Variants in CEMIP observed in about 807,000 individuals in gnomAD.
CEMIP encodes the protein cell migration-inducing and hyaluronan-binding protein.
A neutral mutation model predicts 156.9 loss-of-function variants in CEMIP; 105 were observed. That is an observed-to-expected ratio of 0.67 (90% CI 0.57 to 0.79). CEMIP has a LOEUF of 0.79. Ranked by LOEUF, CEMIP falls within the 30% of genes least tolerant of loss-of-function variation. The probability of loss-of-function intolerance (pLI) is 0.00; values close to 1 mark genes in which losing one functional copy is unlikely to be tolerated. For synonymous variants in CEMIP, 676 were observed against 668.4 expected (o/e 1.01, Z -0.17); for missense variants, 1,457 against 1,769.4 (o/e 0.82, Z 3.17).
rs541748510 is a variant in CEMIP at position 80,901,272 on chromosome 15, G to A, written c.1411+5212G>A. Among the ~76,000 whole-genome samples the A allele has an allele frequency of 2.0e-5, 3 of 152,140 alleles. No individual in the cohort carries two copies. The South Asian group carries it at 6.2e-4, about 32-fold the overall frequency. The stretch of plus-strand genomic sequence containing the variant: ...TTCACAACAACCTAATACAGTAGGG[G>A]CTACTGTTTTCTTCATGACACAAAT... On this transcript the variant is annotated intron_variant, in intron 12 of 29. Coordinates refer to ENST00000394685, the MANE Select transcript of CEMIP (RefSeq NM_001293298.2).
chr15:80,897,303 A>G, intron 12 of CEMIP: 1 of 456,044 alleles, frequency 2.2e-6, no homozygotes, highest in Non-Finnish European at 4.4e-6. Context: ...ATTCAACACA[A>G]TCTTTTTGGC....
chr15:80,780,120 TC>T lies in CEMIP; in HGVS notation c.-176+509del, dbSNP rs373577313. ...TGCTCCTGCCTCAGCACGCTCTTCC[TC>T]CCAGTTTCCCTCGCCTCCCAGTGCC... On this transcript the variant is annotated intron_variant, in intron 1 of 29. Coordinates refer to ENST00000394685, the MANE Select transcript of CEMIP (RefSeq NM_001293298.2). Among the ~76,000 whole-genome samples, 126 of 152,200 alleles carry T rather than the reference TC, an allele frequency of 8.3e-4. 1 individual carries two copies. Among genetic ancestry groups the T allele is most frequent in the African/African-American group, 2.9e-3 (122 of 41,530 alleles).
At chr15:80,839,285 C>CGTGTGTGTGT (rs1897333338) in intron 1 of CEMIP, among the ~76,000 whole-genome samples, 1 of 60,052 alleles carries the variant, frequency 1.7e-5, no homozygotes, top group Non-Finnish European at 2.9e-5. Flanking sequence ...GAGTCAAGGC[C>CGTGTGTGTGT]GTGAGTGTGT....
chr15:80,894,558 G>C (rs987145227), intron 10 of CEMIP, among the ~76,000 whole-genome samples: 1 of 152,174 alleles, frequency 6.6e-6, no homozygotes, highest in African/African-American at 2.4e-5. Flanking sequence ...TGGGGACTGG[G>C]CATGAGTATT....
intron 1 of CEMIP, among the ~76,000 whole-genome samples, chr15:80,840,720 T>C (rs1897390268): frequency 6.6e-6 from 1 of 152,170 alleles, no homozygotes; most frequent in Non-Finnish European, 1.5e-5. Context: ...CCAGTTGCCC[T>C]GGACACACCA....
chr15:80,886,283 T>C (rs564281488), intron 7 of CEMIP, among the ~76,000 whole-genome samples: 8 of 150,570 alleles, frequency 5.3e-5, no homozygotes, highest in South Asian at 4.2e-4. Flanking sequence ...TGGCAGTATA[T>C]GAGAGAGGCA....
intron 6 of CEMIP, among the ~76,000 whole-genome samples, chr15:80,882,940 C>T (rs1898714370): frequency 6.6e-6 from 1 of 152,024 alleles, no homozygotes; most frequent in South Asian, 2.1e-4. Context: ...GAGGTGGTCA[C>T]TGGGCACTGA....
chr15:80,864,626 G>C (rs1898075573), intron 1 of CEMIP, among the ~76,000 whole-genome samples: 1 of 152,256 alleles, frequency 6.6e-6, no homozygotes. Flanking sequence ...CAGAGGCTTA[G>C]ATTGTTGAGT....
At chr15:80,883,241 A>G (rs1898724020) in intron 6 of CEMIP, among the ~76,000 whole-genome samples, 1 of 152,218 alleles carries the variant, frequency 6.6e-6, no homozygotes, top group African/African-American at 2.4e-5. Context: ...AGTTGGAATC[A>G]TTACAAAATT....
In CEMIP at chr15:80,779,387, A is replaced by G. The variant is rs903090975; in HGVS notation, c.-403A>G. On this transcript the variant is annotated 5_prime_UTR_variant, in exon 1 of 30. Coordinates refer to ENST00000394685, the MANE Select transcript of CEMIP (RefSeq NM_001293298.2). The stretch of plus-strand genomic sequence containing the variant: ...AGGGCCGGGGAGCTAGCGCTCAAGC[A>G]GAGCCCAGCGCGGTGCTATCGGACA... The G allele has an allele frequency of 7.9e-5, 12 of 152,348 alleles. No individual in the cohort carries two copies. The highest frequency in any genetic ancestry group is 2.9e-4 in the African/African-American group (12 of 41,470). The allele number at this position is 152,348 out of a possible 1,614,324, so 9.4% of individuals were successfully genotyped here. A position where few individuals can be genotyped will look rare whatever the true frequency, so the allele number is the denominator to read the frequency against.
chr15:80,901,766 C>T (rs1005428589), intron 12 of CEMIP, among the ~76,000 whole-genome samples: 16 of 152,174 alleles, frequency 1.1e-4, no homozygotes, highest in African/African-American at 3.4e-4. Flanking sequence ...CAGTAGCCAC[C>T]GGTGACTAGT....
In CEMIP at chr15:80,896,120, G is replaced by A. The variant is rs114610043; in HGVS notation, c.1411+60G>A. 38 of 1,510,288 alleles carry A rather than the reference G, an allele frequency of 2.5e-5. No individual in the cohort carries two copies. In the African/African-American group the frequency reaches 4.1e-4, roughly 16 times the overall value. 93.6% of individuals were successfully genotyped at this position (1,510,288 alleles called of 1,614,324 possible). A position where few individuals can be genotyped will look rare whatever the true frequency, so the allele number is the denominator to read the frequency against. On this transcript the variant is annotated intron_variant, in intron 12 of 29. Transcript: ENST00000394685. The stretch of plus-strand genomic sequence containing the variant: ...GAATCTGAAAATTGTTAGGCTTAAA[G>A]TAAACTGAAGTTACAACAAATCTGT...
At chr15:80,882,008 G>C (rs1898677321) in intron 6 of CEMIP, among the ~76,000 whole-genome samples, 1 of 152,138 alleles carries the variant, frequency 6.6e-6, no homozygotes, top group African/African-American at 2.4e-5. Context: ...CCCTTTAGAG[G>C]GAAGGACAGA....
intron 15 of CEMIP, among the ~76,000 whole-genome samples, 190 bp from the exon 16 acceptor site, chr15:80,920,842 T>C (rs1049466274): frequency 2.0e-5 from 3 of 152,364 alleles, no homozygotes; most frequent in Middle Eastern, 3.4e-3. Context: ...TCTGAATATT[T>C]TAAGTGCTTA....
Position 80,923,203 on chromosome 15 carries a change from A to G in CEMIP, c.2202+1066A>G, listed in dbSNP as rs148726841. On this transcript the variant is annotated intron_variant, in intron 17 of 29. Coordinates refer to ENST00000394685, the MANE Select transcript of CEMIP (RefSeq NM_001293298.2). Reference sequence around the variant, plus strand: ...AGTGTCATTTCCCAGCAACTAGAAAAGAGGGTAGTGTCATGGGGCAGTGAG... The same window carrying G: ...AGTGTCATTTCCCAGCAACTAGAAAGGAGGGTAGTGTCATGGGGCAGTGAG... Among the ~76,000 whole-genome samples, 127 of 152,146 alleles carry G rather than the reference A, an allele frequency of 8.3e-4. 3 individuals are homozygous for G. The East Asian group carries it at 0.024, about 29-fold the overall frequency.
At chr15:80,905,811 A>C (rs1379963506) in intron 12 of CEMIP, among the ~76,000 whole-genome samples, 1 of 152,138 alleles carries the variant, frequency 6.6e-6, no homozygotes, top group Non-Finnish European at 1.5e-5. Flanking sequence ...GAAAGGGGTA[A>C]GACTGGGGGT....
chr15:80,922,358 G>C (rs1270984093), intron 17 of CEMIP, among the ~76,000 whole-genome samples: 2 of 152,244 alleles, frequency 1.3e-5, no homozygotes, highest in African/African-American at 4.8e-5. Context: ...GGCATGGACT[G>C]AGAATATGGC....
chr15:80,800,958 C>T (rs1460989315), intron 1 of CEMIP, among the ~76,000 whole-genome samples: 1 of 152,212 alleles, frequency 6.6e-6, no homozygotes, highest in African/African-American at 2.4e-5. Context: ...GCTTCTTGTC[C>T]AGCTGCTTCT....
chr15:80,908,001 CTT>C (rs1406460517), intron 13 of CEMIP, among the ~76,000 whole-genome samples: 1 of 152,188 alleles, frequency 6.6e-6, no homozygotes, highest in Admixed American at 6.5e-5. Flanking sequence ...TGAGATGACT[CTT>C]TGTCACATAG....
Sources: allele counts gnomAD v4.1 joint callset (sites outside exome capture counted in the v4.1 genomes callset), GRCh38; gene constraint gnomAD v4.1.1; transcripts MANE v1.5; gene names NCBI Gene and HGNC (gene_info 2026-07-23, HGNC 2026-07-21).